Variants in SCYL2 observed in about 807,000 individuals in gnomAD.
The protein encoded by SCYL2 is SCY1 like pseudokinase 2.
A neutral mutation model predicts 100.4 loss-of-function variants in SCYL2; 36 were observed. The ratio of observed to expected loss-of-function variants is 0.36; its 90% CI spans 0.27 to 0.47. The LOEUF is 0.47. Ranked by LOEUF, SCYL2 falls within the 20% of genes least tolerant of loss-of-function variation. The probability of loss-of-function intolerance (pLI) is 1.00; values close to 1 mark genes in which losing one functional copy is unlikely to be tolerated. For synonymous variants in SCYL2, 330 were observed against 359.2 expected (o/e 0.92, Z 0.92); for missense variants, 902 against 1,083.9 (o/e 0.83, Z 2.36).
At chr12:100,317,609 C>G in intron 9 of SCYL2, 194 bp from the exon 10 acceptor site, 6 of 1,261,656 alleles carry the variant, frequency 4.8e-6, no homozygotes, top group Non-Finnish European at 4.1e-6. Context: ...AAACTCAGAG[C>G]AGATGTTAAA....
intron 1 of SCYL2, among the ~76,000 whole-genome samples, chr12:100,272,660 A>G (rs2096288873): frequency 6.6e-6 from 1 of 152,188 alleles, no homozygotes; most frequent in African/African-American, 2.4e-5. Flanking sequence ...TGGCTTCTAT[A>G]TGTCGTTGGT....
intron 1 of SCYL2, among the ~76,000 whole-genome samples, chr12:100,278,630 C>CTTTTT (rs66782127): frequency 8.3e-6 from 1 of 120,524 alleles, no homozygotes; most frequent in Admixed American, 8.6e-5. Context: ...TGGGGAAATT[C>CTTTTT]TTTTTTTTTT....
intron 4 of SCYL2, among the ~76,000 whole-genome samples, chr12:100,298,729 G>A (rs1321400953): frequency 1.3e-5 from 2 of 151,994 alleles, no homozygotes; most frequent in African/African-American, 4.8e-5. Flanking sequence ...GATTACAGGC[G>A]TGCACCACCA....
chr12:100,303,867 C>T (rs1039477540), intron 4 of SCYL2, among the ~76,000 whole-genome samples: 1 of 152,208 alleles, frequency 6.6e-6, no homozygotes, highest in East Asian at 1.9e-4. Flanking sequence ...ACAGCTGCCT[C>T]TTCCCTCAAA....
intron 12 of SCYL2, among the ~76,000 whole-genome samples, chr12:100,327,658 C>T (rs1390637668): frequency 2.0e-5 from 3 of 151,936 alleles, no homozygotes; most frequent in Non-Finnish European, 1.5e-5. Context: ...GGATTACAGG[C>T]ACCTGCCACC....
At chr12:100,279,671 G>A (rs2096296072) in intron 1 of SCYL2, among the ~76,000 whole-genome samples, 1 of 152,128 alleles carries the variant, frequency 6.6e-6, no homozygotes, top group South Asian at 2.1e-4. Context: ...CTCTAAGGGT[G>A]GCTTACCCCA....
intron 1 of SCYL2, among the ~76,000 whole-genome samples, chr12:100,274,585 T>G (rs2135797899): frequency 6.6e-6 from 1 of 152,304 alleles, no homozygotes; most frequent in Non-Finnish European, 1.5e-5. Flanking sequence ...TTAAGTGGCT[T>G]TCTCATAGAA....
chr12:100,268,254 G>A (rs1159829036), intron 1 of SCYL2, among the ~76,000 whole-genome samples: 1 of 152,166 alleles, frequency 6.6e-6, no homozygotes, highest in African/African-American at 2.4e-5. Context: ...CTATGAGTGA[G>A]TTTTCTAAGT....
intron 1 of SCYL2, among the ~76,000 whole-genome samples, chr12:100,272,322 T>C (rs1189551075): frequency 6.6e-6 from 1 of 152,230 alleles, no homozygotes; most frequent in Non-Finnish European, 1.5e-5. Flanking sequence ...TAAGAAAAGG[T>C]ATTTGGACTC....
At chr12:100,312,030 A>G (rs1002673263) in intron 5 of SCYL2, among the ~76,000 whole-genome samples, 37 of 152,190 alleles carry the variant, frequency 2.4e-4, no homozygotes, top group African/African-American at 8.9e-4. Context: ...ACTTCCACAC[A>G]TTTGTTTAAT....
intron 4 of SCYL2, among the ~76,000 whole-genome samples, chr12:100,300,618 A>T (rs1361604177): frequency 6.6e-6 from 1 of 152,042 alleles, no homozygotes; most frequent in Non-Finnish European, 1.5e-5. Context: ...TGTACCCATT[A>T]ACCATCCCTA....
intron 4 of SCYL2, among the ~76,000 whole-genome samples, chr12:100,308,759 C>T (rs554094070): frequency 2.8e-4 from 42 of 152,286 alleles, no homozygotes; most frequent in African/African-American, 9.4e-4. Context: ...TGCCAAGAAA[C>T]TCCAGTTCTG....
In SCYL2 at chr12:100,339,272, A is replaced by G; in HGVS notation, c.*100A>G. ...GGCTTGGAGGAAGTACTTCTATGGG[A>G]AAGTGAACAGTTCTGTGACAGGAAA... On this transcript the variant is annotated 3_prime_UTR_variant, in exon 18 of 18. Coordinates refer to ENST00000360820, the MANE Select transcript of SCYL2 (RefSeq NM_017988.6). 8.7e-7 allele frequency: 1 copy of G among 1,142,934 alleles called. No individual in the cohort carries two copies. The highest frequency in any genetic ancestry group is 1.2e-6 in the Non-Finnish European group (1 of 804,216). 70.8% of individuals were successfully genotyped at this position (1,142,934 alleles called of 1,614,324 possible). A position where few individuals can be genotyped will look rare whatever the true frequency, so the allele number is the denominator to read the frequency against.
rs866667529 is a variant in SCYL2 at position 100,306,901 on chromosome 12, C to G, written c.481-4143C>G. 5.9e-5 allele frequency among the ~76,000 whole-genome samples: 9 copies of G among 152,062 alleles called. No homozygotes were observed. In the South Asian group the frequency reaches 1.2e-3, roughly 21 times the overall value. ...AGTGAACTCCGATTCACAATTGATA[C>G]AAAGAGAATAAAATACCTAGGAATA... On this transcript the variant is annotated intron_variant, in intron 4 of 17. Transcript: ENST00000360820.
chr12:100,270,173 A>G (rs1438204037), intron 1 of SCYL2, among the ~76,000 whole-genome samples: 1 of 151,898 alleles, frequency 6.6e-6, no homozygotes, highest in Non-Finnish European at 1.5e-5. Flanking sequence ...TTTTTAGTAG[A>G]GACGGCGTTT....
chr12:100,270,891 T>C (rs1055880697), intron 1 of SCYL2, among the ~76,000 whole-genome samples: 6 of 152,084 alleles, frequency 3.9e-5, no homozygotes, highest in African/African-American at 1.4e-4. Context: ...GCTTTTCATC[T>C]AGTAGGTACC....
rs560815591 is a variant in SCYL2 at position 100,316,863 on chromosome 12, G to A, written c.1273-940G>A. ...ACGCTTGTAATCCCAGTTCTTTGTC[G>A]TGTCAAAGCAGGCAGATTGCTTGAG... On this transcript the variant is annotated intron_variant, in intron 9 of 17. Transcript: ENST00000360820. 2.9e-4 allele frequency among the ~76,000 whole-genome samples: 44 copies of A among 152,196 alleles called. 1 individual carries two copies. The highest frequency in any genetic ancestry group is 6.8e-3 in the Middle Eastern group (2 of 294).
intron 5 of SCYL2, 26 bp downstream of exon 5, chr12:100,311,219 T>C (rs368206007): frequency 1.5e-4 from 243 of 1,572,024 alleles, no homozygotes; most frequent in South Asian, 3.0e-4. Context: ...GTCTTCTAAT[T>C]TTTGAGGCCA....
At chr12:100,322,168 C>T (rs552245367) in intron 10 of SCYL2, among the ~76,000 whole-genome samples, 2 of 150,624 alleles carry the variant, frequency 1.3e-5, no homozygotes, top group South Asian at 2.1e-4. Flanking sequence ...GTCAGGAGAT[C>T]GAGACCATCC....
Sources: gnomAD v4.1 joint callset for allele counts (sites outside exome capture counted in the v4.1 genomes callset) on GRCh38, gnomAD v4.1.1 for gene constraint, MANE v1.5 for transcripts, NCBI Gene and HGNC (gene_info 2026-07-23, HGNC 2026-07-21) for gene names.